MBD5: variants seen among roughly 807,000 people sequenced by gnomAD.
MBD5 encodes methyl-CpG binding domain protein 5.
In MBD5, 13 loss-of-function variants were observed where a neutral mutation model predicts 117.3. That is an observed-to-expected ratio of 0.11 (90% CI 0.07 to 0.18). The LOEUF is 0.18. Among genes scored for constraint, MBD5 ranks in the 10% least tolerant of loss-of-function variants. The probability of loss-of-function intolerance (pLI) is 1.00; values close to 1 mark genes in which losing one functional copy is unlikely to be tolerated. For missense variants in MBD5, 1,879 were observed against 2,093.8 expected (o/e 0.90, Z 2.00); for synonymous variants, 727 against 766.4 (o/e 0.95, Z 0.85).
At chr2:148,074,484 G>GT (rs777885277) in intron 1 of MBD5, among the ~76,000 whole-genome samples, 1,822 of 123,150 alleles carry the variant, frequency 0.015, 59 homozygotes, top group African/African-American at 0.059. Flanking sequence ...GGAATAGTTT[G>GT]TTTTTTTTTT....
intron 4 of MBD5, among the ~76,000 whole-genome samples, chr2:148,414,348 T>G (rs536204232): frequency 8.5e-5 from 13 of 152,180 alleles, no homozygotes; most frequent in Non-Finnish European, 1.6e-4. Context: ...GATTTCAGTT[T>G]TTTTGAAGTC....
chr2:148,094,612 A>T (rs1228063234), intron 1 of MBD5, among the ~76,000 whole-genome samples: 1 of 152,192 alleles, frequency 6.6e-6, no homozygotes, highest in African/African-American at 2.4e-5. Flanking sequence ...AGTTCCAAAA[A>T]ATGAATGAAG....
chr2:148,083,630 A>G (rs1695703939), intron 1 of MBD5, among the ~76,000 whole-genome samples: 1 of 151,642 alleles, frequency 6.6e-6, no homozygotes, highest in Non-Finnish European at 1.5e-5. Context: ...TTTTTATTTT[A>G]TTTTATTTTA....
At chr2:148,059,923 G>T (rs1305082074) in intron 1 of MBD5, among the ~76,000 whole-genome samples, 2 of 151,430 alleles carry the variant, frequency 1.3e-5, no homozygotes, top group Admixed American at 6.6e-5. Flanking sequence ...GAGGATCTTG[G>T]TTATTGGTGA....
chr2:148,279,517 A>G (rs1384216809), intron 3 of MBD5, among the ~76,000 whole-genome samples: 2 of 152,240 alleles, frequency 1.3e-5, no homozygotes, highest in Non-Finnish European at 2.9e-5. Context: ...CATTGAGAGT[A>G]ATTAATGCTT....
intron 3 of MBD5, among the ~76,000 whole-genome samples, chr2:148,306,987 A>G (rs1701909646): frequency 1.3e-5 from 2 of 152,216 alleles, no homozygotes; most frequent in South Asian, 4.1e-4. Context: ...CATGTCAAAT[A>G]CACCAATGTA....
intron 3 of MBD5, among the ~76,000 whole-genome samples, chr2:148,251,692 C>T (rs889510679): frequency 6.6e-6 from 1 of 151,994 alleles, no homozygotes; most frequent in Non-Finnish European, 1.5e-5. Context: ...CCAAATTCTG[C>T]GTATTTAGTT....
chr2:148,049,370 T>G (rs1694628707), intron 1 of MBD5, among the ~76,000 whole-genome samples: 1 of 152,174 alleles, frequency 6.6e-6, no homozygotes, highest in South Asian at 2.1e-4. Flanking sequence ...CATAGAATAA[T>G]TGTTATGCTG....
chr2:148,026,177 A>G (rs1261485810), intron 1 of MBD5: 2 of 152,170 alleles, frequency 1.3e-5, no homozygotes, highest in African/African-American at 4.8e-5. Flanking sequence ...AGTAATAATC[A>G]TAGTTACCAT....
At chr2:148,081,857 T>C (rs111538046) in intron 1 of MBD5, among the ~76,000 whole-genome samples, 4,327 of 152,272 alleles carry the variant, frequency 0.028, 84 homozygotes, top group Non-Finnish European at 0.049. Flanking sequence ...CCAGGTATCT[T>C]AGAATACAGA....
In MBD5 at chr2:148,452,288, G is replaced by C. The variant is rs561029177; in HGVS notation, c.-556-5915G>C. ...AGGCAAGAGGATCATTTGAGCTCAGGAGTTCAAGACCAGCCTGGGCAACAA... is the reference window on the plus strand; with the variant it reads ...AGGCAAGAGGATCATTTGAGCTCAGCAGTTCAAGACCAGCCTGGGCAACAA... On this transcript the variant is annotated intron_variant, in intron 4 of 13. Transcript: ENST00000642680. Among the ~76,000 whole-genome samples the C allele has an allele frequency of 1.1e-4, 17 of 152,188 alleles. No individual in the cohort carries two copies. In the South Asian group the frequency reaches 2.9e-3, roughly 26 times the overall value.
At chr2:148,428,580 C>G (rs371983641) in intron 4 of MBD5, among the ~76,000 whole-genome samples, 31 of 152,204 alleles carry the variant, frequency 2.0e-4, no homozygotes, top group South Asian at 1.7e-3. Flanking sequence ...CATCACACTA[C>G]CTGACTTCAA....
chr2:148,067,795 T>A (rs889462169), intron 1 of MBD5, among the ~76,000 whole-genome samples: 1 of 152,238 alleles, frequency 6.6e-6, no homozygotes, highest in South Asian at 2.1e-4. Flanking sequence ...TAACCAGTGC[T>A]ATAAGAAAGT....
intron 4 of MBD5, among the ~76,000 whole-genome samples, chr2:148,363,029 G>GA (rs1703586928): frequency 6.6e-6 from 1 of 152,046 alleles, no homozygotes; most frequent in East Asian, 1.9e-4. Flanking sequence ...TGAAGATGAG[G>GA]AAAAAACAGT....
At chr2:148,225,222 T>G (rs1293834606) in intron 2 of MBD5, among the ~76,000 whole-genome samples, 1 of 152,184 alleles carries the variant, frequency 6.6e-6, no homozygotes, top group African/African-American at 2.4e-5. Context: ...TATGTTTTTT[T>G]GGTTTGAGGT....
intron 3 of MBD5, among the ~76,000 whole-genome samples, chr2:148,259,739 A>G (rs966422105): frequency 6.6e-6 from 1 of 152,204 alleles, no homozygotes; most frequent in Non-Finnish European, 1.5e-5. Context: ...ATGAGCTCAC[A>G]TAGGTCATCA....
intron 2 of MBD5, among the ~76,000 whole-genome samples, chr2:148,212,501 A>C (rs2106017294): frequency 6.6e-6 from 1 of 152,304 alleles, no homozygotes; most frequent in African/African-American, 2.4e-5. Context: ...ATTCTTTTTG[A>C]ATCACTATCA....
At chr2:148,041,838 A>C (rs1438550595) in intron 1 of MBD5, among the ~76,000 whole-genome samples, 3 of 152,158 alleles carry the variant, frequency 2.0e-5, no homozygotes, top group African/African-American at 7.2e-5. Flanking sequence ...TTGTACTTGA[A>C]ATTTTTTAAG....
At chr2:148,263,729 T>A (rs1240600557) in intron 3 of MBD5, among the ~76,000 whole-genome samples, 2 of 152,202 alleles carry the variant, frequency 1.3e-5, no homozygotes, top group African/African-American at 4.8e-5. Flanking sequence ...AAGAATCTAA[T>A]TATCTTTTAC....
Sources: gnomAD v4.1 joint callset for allele counts (sites outside exome capture counted in the v4.1 genomes callset) on GRCh38, gnomAD v4.1.1 for gene constraint, MANE v1.5 for transcripts, NCBI Gene and HGNC (gene_info 2026-07-23, HGNC 2026-07-21) for gene names.